The following CTNNA2 variants were observed in gnomAD, a reference collection of about 807,000 sequenced individuals.
The protein encoded by CTNNA2 is catenin alpha 2.
A neutral mutation model predicts 101.0 loss-of-function variants in CTNNA2; 42 were observed. The observed-to-expected ratio is 0.42, with a 90% confidence interval of 0.32 to 0.54. The LOEUF is 0.54. CTNNA2 is among the 20% of genes least tolerant of loss of function. CTNNA2 has a pLI of 0.14. For synonymous variants in CTNNA2, 450 were observed against 456.4 expected, an observed-to-expected ratio of 0.99 and a Z score of 0.18; for missense variants, 871 against 1,223.1, an observed-to-expected ratio of 0.71 and a Z score of 4.29.
At chr2:80,153,522 T>A (rs1703828232) in intron 7 of CTNNA2, among the ~76,000 whole-genome samples, 1 of 152,188 alleles carries the variant, frequency 6.6e-6, no homozygotes, top group Admixed American at 6.5e-5. Context: ...TGGCTTTTCC[T>A]GGAAATAATA....
chr2:80,200,111 G>C (rs781191749), intron 7 of CTNNA2, among the ~76,000 whole-genome samples: 1 of 152,188 alleles, frequency 6.6e-6, no homozygotes, highest in Non-Finnish European at 1.5e-5. Context: ...GAATGCTCCA[G>C]AAGAAAATTG....
chr2:79,217,857 G>GA (rs1477892790), intron 2 of CTNNA2, among the ~76,000 whole-genome samples: 1 of 152,134 alleles, frequency 6.6e-6, no homozygotes, highest in Non-Finnish European at 1.5e-5. Flanking sequence ...CCCAGGTCTA[G>GA]ACACTAAACT....
chr2:79,522,974 T>C (rs1482523446), intron 1 of CTNNA2, among the ~76,000 whole-genome samples: 1 of 152,198 alleles, frequency 6.6e-6, no homozygotes, highest in Non-Finnish European at 1.5e-5. Context: ...GCAGTCCAAC[T>C]ATTCAGTGAA....
intron 18 of CTNNA2, among the ~76,000 whole-genome samples, chr2:80,628,015 T>A (rs1671865214): frequency 6.6e-6 from 1 of 152,060 alleles, no homozygotes; most frequent in Admixed American, 6.6e-5. Flanking sequence ...CATTCACAAT[T>A]GCTACAAAGA....
At chr2:79,434,365 A>G (rs1472459378) in intron 4 of CTNNA2, among the ~76,000 whole-genome samples, 2 of 152,138 alleles carry the variant, frequency 1.3e-5, no homozygotes, top group Non-Finnish European at 2.9e-5. Context: ...GATAGAATGA[A>G]AAAGAGAACA....
chr2:79,196,393 T>A (rs1169267116), intron 1 of CTNNA2, among the ~76,000 whole-genome samples: 1 of 152,204 alleles, frequency 6.6e-6, no homozygotes, highest in African/African-American at 2.4e-5. Context: ...ATTTTGCTCA[T>A]TTGCAAGTCA....
At chr2:79,799,818 GTATTTTA>G (rs1207422555) in intron 3 of CTNNA2, among the ~76,000 whole-genome samples, 1 of 152,066 alleles carries the variant, frequency 6.6e-6, no homozygotes, top group Non-Finnish European at 1.5e-5. Flanking sequence ...TTATGAAAAT[GTATTTTA>G]TTTTATATGT....
intron 1 of CTNNA2, among the ~76,000 whole-genome samples, chr2:79,545,924 A>G (rs1673703444): frequency 6.6e-6 from 1 of 152,204 alleles, no homozygotes; most frequent in Admixed American, 6.5e-5. Context: ...TACTCATTTA[A>G]TACAACAATC....
intron 2 of CTNNA2, among the ~76,000 whole-genome samples, chr2:79,688,322 A>G (rs1684072284): frequency 6.6e-6 from 1 of 152,090 alleles, no homozygotes. Flanking sequence ...AGCTACATAT[A>G]TTGGAATTAT....
At chr2:80,418,883 AT>A (rs1402715160) in intron 8 of CTNNA2, among the ~76,000 whole-genome samples, 2 of 152,190 alleles carry the variant, frequency 1.3e-5, no homozygotes, top group Admixed American at 6.5e-5. Flanking sequence ...TTGAAGAATA[AT>A]TATAAGTATT....
At chr2:79,205,769 C>T (rs1336876684) in intron 2 of CTNNA2, among the ~76,000 whole-genome samples, 1 of 152,166 alleles carries the variant, frequency 6.6e-6, no homozygotes, top group Non-Finnish European at 1.5e-5. Context: ...GCATACTTGC[C>T]TATAAATATC....
intron 3 of CTNNA2, among the ~76,000 whole-genome samples, chr2:79,767,827 C>T (rs1466587893): frequency 1.3e-5 from 2 of 151,114 alleles, no homozygotes; most frequent in African/African-American, 4.9e-5. Context: ...AAAGTCTTCC[C>T]CACTCTTTCT....
At chr2:79,464,568 C>T (rs1670913894) in intron 4 of CTNNA2, among the ~76,000 whole-genome samples, 1 of 152,146 alleles carries the variant, frequency 6.6e-6, no homozygotes, top group East Asian at 1.9e-4. Flanking sequence ...CACTGTCTTC[C>T]ACAATGGTTG....
At chr2:80,019,893 G>A (rs1405892815) in intron 7 of CTNNA2, among the ~76,000 whole-genome samples, 1 of 152,122 alleles carries the variant, frequency 6.6e-6, no homozygotes, top group Non-Finnish European at 1.5e-5. Flanking sequence ...TATAGTCTCT[G>A]TACGAGCAGA....
At chr2:79,875,056 G>C (rs1318820597) in intron 6 of CTNNA2, among the ~76,000 whole-genome samples, 1 of 152,150 alleles carries the variant, frequency 6.6e-6, no homozygotes, top group South Asian at 2.1e-4. Context: ...ACAGGACCCT[G>C]GTCTTCATTA....
intron 7 of CTNNA2, among the ~76,000 whole-genome samples, chr2:80,062,586 TTCTC>T (rs1442627532): frequency 1.3e-5 from 2 of 152,234 alleles, no homozygotes; most frequent in Non-Finnish European, 2.9e-5. Context: ...AATTCTTTTA[TTCTC>T]TCTATCATTT....
chr2:79,364,683 G>C (rs1433086552), intron 3 of CTNNA2, among the ~76,000 whole-genome samples: 1 of 152,012 alleles, frequency 6.6e-6, no homozygotes, highest in African/African-American at 2.4e-5. Flanking sequence ...TCTTATCTAG[G>C]CTTCACTGAA....
chr2:80,000,301 C>T (rs72922660), intron 7 of CTNNA2, among the ~76,000 whole-genome samples: 4,031 of 152,184 alleles, frequency 0.026, 150 homozygotes, highest in African/African-American at 0.077. Flanking sequence ...GCACACTGGT[C>T]TATAGCATTG....
intron 7 of CTNNA2, among the ~76,000 whole-genome samples, chr2:80,243,997 G>A (rs566992924): frequency 2.6e-5 from 4 of 152,290 alleles, no homozygotes; most frequent in Admixed American, 1.3e-4. Context: ...TGCATCAAAC[G>A]TGGCCTCATC....
Sources: gnomAD v4.1 joint callset for allele counts (sites outside exome capture counted in the v4.1 genomes callset) on GRCh38, gnomAD v4.1.1 for gene constraint, MANE v1.5 for transcripts, NCBI Gene and HGNC (gene_info 2026-07-23, HGNC 2026-07-21) for gene names.